Variants in SIAH2 observed in about 807,000 individuals in gnomAD.
SIAH2 encodes the protein E3 ubiquitin-protein ligase SIAH2.
Under a neutral mutation model 20.4 loss-of-function variants are expected in SIAH2, and 4 were observed. The ratio of observed to expected loss-of-function variants is 0.20; its 90% CI spans 0.10 to 0.45. SIAH2 has a LOEUF of 0.45. SIAH2 is among the 20% of genes least tolerant of loss of function. SIAH2 has a pLI of 0.99. For synonymous variants in SIAH2, 171 were observed against 192.5 expected, an observed-to-expected ratio of 0.89 and a Z score of 0.93; for missense variants, 259 against 440.3, an observed-to-expected ratio of 0.59 and a Z score of 3.69.
intron 1 of SIAH2, among the ~76,000 whole-genome samples, chr3:150,757,930 C>CTGCCT (rs1714519331): frequency 6.6e-6 from 1 of 152,154 alleles, no homozygotes; most frequent in South Asian, 2.1e-4. Context: ...TGAGTAAAGG[C>CTGCCT]TGCCTCTTGG....
intron 1 of SIAH2, among the ~76,000 whole-genome samples, chr3:150,753,454 T>A (rs1388989593): frequency 6.6e-6 from 1 of 152,190 alleles, no homozygotes; most frequent in Non-Finnish European, 1.5e-5. Context: ...GACATTCAAC[T>A]GTAAACCATT....
rs548880201 is a variant in SIAH2 at position 150,742,873 on chromosome 3, A to G, written c.418-175T>C. On this transcript the variant is annotated intron_variant, in intron 1 of 1. Transcript: ENST00000312960. The surrounding 1 kb of genome is among the most constrained non-coding windows in gnomAD (Gnocchi z 4.8). ...AAAGTCTCCGTCTCTATTCATCATC[A>G]ATGCTGTCATGCATAAAATGAAGGG... is the stretch of plus-strand genomic sequence containing the variant. Among the ~76,000 whole-genome samples, 2 of 152,302 alleles carry G rather than the reference A, an allele frequency of 1.3e-5. No homozygotes were observed. Among genetic ancestry groups the G allele is most frequent in the African/African-American group, 2.4e-5 (1 of 41,560 alleles).
In SIAH2 at chr3:150,762,776, T is replaced by TGCTGGG; in HGVS notation, c.68_73dup (p.Pro23_Gln24dup). ...CGGGGGCGCAGCCGGGGACGGAGTGTGCTGGGGCTGCGGCGGCGGCTGCTT... is the reference window on the plus strand; with the variant it reads ...CGGGGGCGCAGCCGGGGACGGAGTGTGCTGGGGCTGGGGCTGCGGCGGCGGCTGCTT... On this transcript the variant is annotated inframe_insertion, in exon 1 of 2. Coordinates refer to ENST00000312960, the MANE Select transcript of SIAH2 (RefSeq NM_005067.7). The surrounding 1 kb of genome is among the most constrained non-coding windows in gnomAD (Gnocchi z 6.6). 8.3e-7 allele frequency: 1 copy of TGCTGGG among 1,210,272 alleles called. No homozygotes were observed. The highest frequency in any genetic ancestry group is 1.0e-6 in the Non-Finnish European group (1 of 962,958). 75.0% of individuals were successfully genotyped at this position (1,210,272 alleles called of 1,614,324 possible).
intron 1 of SIAH2, among the ~76,000 whole-genome samples, chr3:150,760,284 A>T (rs1714576404): frequency 6.6e-6 from 1 of 152,240 alleles, no homozygotes; most frequent in East Asian, 1.9e-4. Flanking sequence ...ACACAAAAGC[A>T]TCCCCAAGAT....
intron 1 of SIAH2, among the ~76,000 whole-genome samples, chr3:150,754,419 C>T (rs1192165487): frequency 6.6e-6 from 1 of 152,096 alleles, no homozygotes; most frequent in African/African-American, 2.4e-5. Context: ...AGAACAGCAC[C>T]AAGAGGATAG....
chr3:150,752,153 C>T (rs1301933032), intron 1 of SIAH2, among the ~76,000 whole-genome samples: 1 of 152,138 alleles, frequency 6.6e-6, no homozygotes, highest in Non-Finnish European at 1.5e-5. Flanking sequence ...AGTACCACAC[C>T]CACCCTTTCA....
At chr3:150,748,280 CACA>C (rs776584289) in intron 1 of SIAH2, among the ~76,000 whole-genome samples, 11 of 152,116 alleles carry the variant, frequency 7.2e-5, no homozygotes, top group Non-Finnish European at 1.5e-4. Context: ...CACAAATACA[CACA>C]ACAAGATACA....
At chr3:150,748,418 T>C (rs1187095626) in intron 1 of SIAH2, among the ~76,000 whole-genome samples, 1 of 152,258 alleles carries the variant, frequency 6.6e-6, no homozygotes, top group Non-Finnish European at 1.5e-5. Flanking sequence ...GTGAAGGTCA[T>C]GGATGCTGTC....
intron 1 of SIAH2, among the ~76,000 whole-genome samples, chr3:150,752,881 G>A (rs574044469): frequency 1.8e-4 from 27 of 152,298 alleles, no homozygotes; most frequent in Admixed American, 1.6e-3. Flanking sequence ...AAAGCAAGAG[G>A]TTGTAGTGAA....
chr3:150,745,276 CACCCCA>C (rs1714186393), intron 1 of SIAH2, among the ~76,000 whole-genome samples: 2 of 151,248 alleles, frequency 1.3e-5, no homozygotes, highest in African/African-American at 4.9e-5. Flanking sequence ...CACACACACA[CACCCCA>C]CATTTCATAC....
intron 1 of SIAH2, among the ~76,000 whole-genome samples, chr3:150,745,448 A>G (rs529262439): frequency 2.6e-5 from 4 of 151,820 alleles, no homozygotes; most frequent in African/African-American, 9.7e-5. Context: ...GGTGCTTCTG[A>G]GCAGCAAAGC....
intron 1 of SIAH2, among the ~76,000 whole-genome samples, chr3:150,750,915 C>A (rs1371052001): frequency 2.0e-5 from 3 of 152,198 alleles, no homozygotes; most frequent in Non-Finnish European, 2.9e-5. Flanking sequence ...GTCTATAAAA[C>A]TGTCTATGAC....
At chr3:150,743,112 CAA>C (rs756985830) in intron 1 of SIAH2, among the ~76,000 whole-genome samples, 1 of 152,170 alleles carries the variant, frequency 6.6e-6, no homozygotes, top group Non-Finnish European at 1.5e-5. Flanking sequence ...TATATTATCC[CAA>C]GATTAGTTTT....
chr3:150,749,589 T>C (rs2108119923), intron 1 of SIAH2, among the ~76,000 whole-genome samples: 1 of 152,356 alleles, frequency 6.6e-6, no homozygotes, highest in East Asian at 1.9e-4. Flanking sequence ...AAATGGTTTA[T>C]GCAGAATTGG....
chr3:150,743,611 C>T (rs1032728298), intron 1 of SIAH2, among the ~76,000 whole-genome samples: 1 of 152,192 alleles, frequency 6.6e-6, no homozygotes, highest in Non-Finnish European at 1.5e-5. Flanking sequence ...CCCTCAGACA[C>T]TGCCTTAATA....
At position 150,755,517 on chromosome 3, in the gene SIAH2, A is replaced by T. The variant is rs531437283; in HGVS notation, c.417+6916T>A. Among the ~76,000 whole-genome samples the T allele has an allele frequency of 3.6e-4, 54 of 148,778 alleles. No individual in the cohort carries two copies. In the East Asian group the frequency reaches 4.1e-3, roughly 11 times the overall value. On this transcript the variant is annotated intron_variant, in intron 1 of 1. Transcript: ENST00000312960. The stretch of plus-strand genomic sequence containing the variant: ...AGCTAATTTTTGTATTTATTTATTT[A>T]TTTTTTTTATTTTTTGAGACGGAGT...
At chr3:150,756,130 T>C (rs1714481245) in intron 1 of SIAH2, among the ~76,000 whole-genome samples, 1 of 152,238 alleles carries the variant, frequency 6.6e-6, no homozygotes, top group South Asian at 2.1e-4. Context: ...CTGTAGAGCA[T>C]TTCAGTATCC....
rs1714626606 is a variant in SIAH2 at position 150,762,064 on chromosome 3, CCCT to C, written c.417+366_417+368del. On this transcript the variant is annotated intron_variant, in intron 1 of 1. Coordinates refer to ENST00000312960, the MANE Select transcript of SIAH2 (RefSeq NM_005067.7). The surrounding 1 kb of genome is among the most constrained non-coding windows in gnomAD (Gnocchi z 6.6). Reference sequence around the variant, plus strand: ...GGGGCGTTTAGCTCGCCCGTTTCCTCCCTCCTCAATCCCCACACAGTCAGTTTC... The same window carrying C: ...GGGGCGTTTAGCTCGCCCGTTTCCTCCCTCAATCCCCACACAGTCAGTTTC... The C allele has an allele frequency of 4.1e-6, 1 of 246,720 alleles. No homozygotes were observed. Among genetic ancestry groups the C allele is most frequent in the Non-Finnish European group, 8.0e-6 (1 of 125,632 alleles). The allele number at this position is 246,720 out of a possible 1,614,324, so 15.3% of individuals were successfully genotyped here.
At chr3:150,745,601 T>C (rs1714195008) in intron 1 of SIAH2, among the ~76,000 whole-genome samples, 1 of 152,082 alleles carries the variant, frequency 6.6e-6, no homozygotes. Context: ...GTTCATGCCA[T>C]TCTCCTGCCT....
Sources: allele counts gnomAD v4.1 joint callset (sites outside exome capture counted in the v4.1 genomes callset), GRCh38; gene constraint gnomAD v4.1.1; non-coding constraint Gnocchi (gnomAD v3.1); transcripts MANE v1.5; gene names NCBI Gene and HGNC (gene_info 2026-07-23, HGNC 2026-07-21).